Variants in NRG3 observed in about 807,000 individuals in gnomAD.
NRG3 encodes neuregulin 3.
A neutral mutation model predicts 66.9 loss-of-function variants in NRG3; 31 were observed. The observed-to-expected ratio is 0.46, with a 90% CI of 0.35 to 0.63. NRG3 has a LOEUF of 0.63. NRG3 is among the 20% of genes least tolerant of loss of function. NRG3 has a pLI of 0.00. For missense variants in NRG3, 910 were observed against 878.9 expected (o/e 1.04, Z -0.45); for synonymous variants, 393 against 359.4 (o/e 1.09, Z -1.06).
At chr10:82,540,655 G>A (rs1417738125) in intron 2 of NRG3, among the ~76,000 whole-genome samples, 4 of 152,096 alleles carry the variant, frequency 2.6e-5, no homozygotes, top group Non-Finnish European at 5.9e-5. Flanking sequence ...CCAGCAAGAT[G>A]AGATGGAAAA....
At chr10:82,884,353 T>C in intron 4 of NRG3, among the ~76,000 whole-genome samples, 1 of 152,204 alleles carries the variant, frequency 6.6e-6, no homozygotes, top group East Asian at 1.9e-4. Flanking sequence ...CTTTGTTTTT[T>C]CTGTTCCACA....
At chr10:82,105,694 T>A (rs984696717) in intron 1 of NRG3, among the ~76,000 whole-genome samples, 1 of 152,178 alleles carries the variant, frequency 6.6e-6, no homozygotes, top group Non-Finnish European at 1.5e-5. Context: ...CTTCTCTCTG[T>A]TTCACATAAT....
chr10:82,713,940 C>T (rs894407127), intron 2 of NRG3, among the ~76,000 whole-genome samples: 1 of 151,636 alleles, frequency 6.6e-6, no homozygotes, highest in East Asian at 2.0e-4. Context: ...GGATGGATGC[C>T]CTGCTGTCCC....
chr10:82,370,147 G>C (rs1160727806), intron 2 of NRG3, among the ~76,000 whole-genome samples: 3 of 139,314 alleles, frequency 2.2e-5, no homozygotes, highest in African/African-American at 3.3e-5. Context: ...CAGGGGGCCA[G>C]TGTGACAGCC....
intron 1 of NRG3, among the ~76,000 whole-genome samples, chr10:82,078,571 C>G (rs903991073): frequency 5.3e-5 from 8 of 152,072 alleles, no homozygotes; most frequent in African/African-American, 1.9e-4. Flanking sequence ...AGGATGGTCT[C>G]GATCTCATGA....
At chr10:82,685,033 C>A (rs993242588) in intron 2 of NRG3, among the ~76,000 whole-genome samples, 2 of 151,926 alleles carry the variant, frequency 1.3e-5, no homozygotes, top group African/African-American at 4.8e-5. Flanking sequence ...TAAGGCAAGT[C>A]ATCTACGAAG....
At chr10:82,743,337 A>G (rs938475612) in intron 3 of NRG3, among the ~76,000 whole-genome samples, 1 of 152,122 alleles carries the variant, frequency 6.6e-6, no homozygotes, top group Non-Finnish European at 1.5e-5. Flanking sequence ...CTGTTCTCAA[A>G]GCACCTGGAA....
chr10:82,904,562 A>G (rs1269585328), intron 4 of NRG3, among the ~76,000 whole-genome samples: 2 of 152,180 alleles, frequency 1.3e-5, no homozygotes, highest in East Asian at 3.9e-4. Flanking sequence ...TTGTTGAAAC[A>G]GTATTCCTCA....
intron 2 of NRG3, among the ~76,000 whole-genome samples, chr10:82,433,424 A>G (rs1310838087): frequency 4.0e-5 from 6 of 151,886 alleles, no homozygotes; most frequent in Non-Finnish European, 8.8e-5. Flanking sequence ...TTGCCTGTTC[A>G]CTCTGATGAT....
intron 2 of NRG3, among the ~76,000 whole-genome samples, chr10:82,425,165 A>C (rs774101162): frequency 6.6e-6 from 1 of 152,044 alleles, no homozygotes; most frequent in Non-Finnish European, 1.5e-5. Context: ...TTAACTTTTC[A>C]ATTTTGGCAA....
chr10:82,258,083 ATC>A (rs1564719986), intron 1 of NRG3, among the ~76,000 whole-genome samples: 1 of 152,174 alleles, frequency 6.6e-6, no homozygotes, highest in Admixed American at 6.5e-5. Context: ...TTTTGTAGTC[ATC>A]TCTCTTTGTA....
chr10:82,255,730 G>A (rs1404868004), intron 1 of NRG3, among the ~76,000 whole-genome samples: 1 of 151,858 alleles, frequency 6.6e-6, no homozygotes, highest in African/African-American at 2.4e-5. Flanking sequence ...AGCCTCCCAA[G>A]TAGCTGGGAT....
intron 2 of NRG3, among the ~76,000 whole-genome samples, chr10:82,391,951 A>G (rs371416981): frequency 6.9e-6 from 1 of 144,024 alleles, no homozygotes; most frequent in African/African-American, 2.6e-5. Context: ...AGCAATTCTC[A>G]TCAGTAGTGC....
At chr10:82,394,255 A>G (rs567315574) in intron 2 of NRG3, among the ~76,000 whole-genome samples, 2 of 152,328 alleles carry the variant, frequency 1.3e-5, no homozygotes, top group East Asian at 3.9e-4. Context: ...TCTAAGGAAC[A>G]GATGCAGGAG....
At chr10:82,116,555 T>A (rs529360318) in intron 1 of NRG3, among the ~76,000 whole-genome samples, 1 of 152,308 alleles carries the variant, frequency 6.6e-6, no homozygotes, top group South Asian at 2.1e-4. Context: ...GAGGATCTCA[T>A]ATAAGTGCAT....
chr10:82,439,327 G>C (rs1781325914), intron 2 of NRG3, among the ~76,000 whole-genome samples: 2 of 151,606 alleles, frequency 1.3e-5, no homozygotes, highest in South Asian at 2.1e-4. Context: ...GATATTCTCT[G>C]TTTGTTTGTG....
At chr10:82,047,381 A>G in intron 1 of NRG3, among the ~76,000 whole-genome samples, 1 of 152,154 alleles carries the variant, frequency 6.6e-6, no homozygotes, top group Admixed American at 6.6e-5. Context: ...AGGGAAGCCC[A>G]TCAGACTAAC....
In NRG3 at chr10:82,933,196, G is replaced by A. The variant is rs141639178; in HGVS notation, c.1055-18273G>A. Among the ~76,000 whole-genome samples the A allele has an allele frequency of 1.2e-3, 185 of 152,270 alleles. 2 individuals are homozygous for A. Among genetic ancestry groups the A allele is most frequent in the African/African-American group, 4.3e-3 (179 of 41,548 alleles). On this transcript the variant is annotated intron_variant, in intron 4 of 8. Transcript: ENST00000372141. ...TCTCCAGTTCCTGGGAATCTCATCCGACAGTCAACTTGTGTTGACAGAGTG... is the reference window on the plus strand; with the variant it reads ...TCTCCAGTTCCTGGGAATCTCATCCAACAGTCAACTTGTGTTGACAGAGTG...
intron 1 of NRG3, among the ~76,000 whole-genome samples, chr10:82,204,329 C>G (rs926411956): frequency 2.0e-5 from 3 of 152,190 alleles, no homozygotes; most frequent in Admixed American, 2.0e-4. Flanking sequence ...TGTTAGTTCT[C>G]CATTGACTCT....
Sources: gnomAD v4.1 joint callset for allele counts (sites outside exome capture counted in the v4.1 genomes callset) on GRCh38, gnomAD v4.1.1 for gene constraint, MANE v1.5 for transcripts, NCBI Gene and HGNC (gene_info 2026-07-23, HGNC 2026-07-21) for gene names.